The following CYP39A1 variants were observed in gnomAD, a reference collection of about 807,000 sequenced individuals.
CYP39A1 encodes 24-hydroxycholesterol 7-alpha-hydroxylase.
Under a neutral mutation model 58.1 loss-of-function variants are expected in CYP39A1, and 49 were observed. That is an observed-to-expected ratio of 0.84 (90% CI 0.67 to 1.07). CYP39A1 has a LOEUF of 1.07. Among genes scored for constraint, CYP39A1 ranks in the 50% least tolerant of loss-of-function variants. The pLI, the probability that CYP39A1 is intolerant of heterozygous loss-of-function variation, is 0.00. For synonymous variants in CYP39A1, 209 were observed against 187.6 expected (o/e 1.11, Z -0.93); for missense variants, 531 against 539.4 (o/e 0.98, Z 0.16).
intron 1 of CYP39A1, among the ~76,000 whole-genome samples, chr6:46,647,056 A>G (rs1045321075): frequency 4.0e-5 from 6 of 149,500 alleles, no homozygotes; most frequent in African/African-American, 4.9e-5. Flanking sequence ...GTTCCTTACT[A>G]TTTCCTTCCT....
intron 10 of CYP39A1, among the ~76,000 whole-genome samples, chr6:46,569,767 G>T (rs1448298785): frequency 6.6e-6 from 1 of 151,932 alleles, no homozygotes; most frequent in African/African-American, 2.4e-5. Flanking sequence ...TTGAATACAG[G>T]TGCTAGTATT....
chr6:46,644,877 T>C (rs1254259379), intron 1 of CYP39A1, among the ~76,000 whole-genome samples: 2 of 152,216 alleles, frequency 1.3e-5, no homozygotes, highest in African/African-American at 4.8e-5. Context: ...AATTTGCATA[T>C]CTCTAATGAC....
Position 46,631,146 on chromosome 6 carries a change from C to T in CYP39A1, c.733-76G>A, listed in dbSNP as rs899973506. On this transcript the variant is annotated intron_variant, in intron 5 of 11. Transcript: ENST00000275016. ...GATGTTAATAAACAAGAGATCATGCCTTTTTCTTTAATATGAAAGATATCA... is the reference window on the plus strand; with the variant it reads ...GATGTTAATAAACAAGAGATCATGCTTTTTTCTTTAATATGAAAGATATCA... 6 of 1,157,986 alleles carry T rather than the reference C, an allele frequency of 5.2e-6. No homozygotes were observed. The African/African-American group carries it at 7.7e-5, about 15-fold the overall frequency. 71.7% of individuals were successfully genotyped at this position (1,157,986 alleles called of 1,614,324 possible).
intron 7 of CYP39A1, among the ~76,000 whole-genome samples, chr6:46,617,599 T>C (rs1444356490): frequency 6.6e-6 from 1 of 152,150 alleles, no homozygotes; most frequent in African/African-American, 2.4e-5. Context: ...GGATTCTAAG[T>C]ACAATTTTGA....
intron 7 of CYP39A1, among the ~76,000 whole-genome samples, chr6:46,602,963 C>A: frequency 6.9e-6 from 1 of 145,916 alleles, no homozygotes. Flanking sequence ...AACAATAAAA[C>A]TAAATAATGT....
intron 4 of CYP39A1, among the ~76,000 whole-genome samples, chr6:46,637,357 G>T (rs979345593): frequency 6.6e-6 from 1 of 152,184 alleles, no homozygotes; most frequent in Non-Finnish European, 1.5e-5. Flanking sequence ...TAGAGCCACT[G>T]CCAAGAAATT....
chr6:46,586,040 T>A (rs1257017685), intron 10 of CYP39A1, among the ~76,000 whole-genome samples: 1 of 152,116 alleles, frequency 6.6e-6, no homozygotes, highest in African/African-American at 2.4e-5. Flanking sequence ...CCCATTTGCT[T>A]AGGCTTAGAT....
chr6:46,600,209 A>G lies in CYP39A1; in HGVS notation c.932-4089T>C, dbSNP rs1310669921. On this transcript the variant is annotated intron_variant, in intron 7 of 11. Transcript: ENST00000275016. ...AGTGGAGCGATCTTGGCTCACTACA[A>G]CCTCTGACTCCCAGGTTCAAGCGAT... is the stretch of plus-strand genomic sequence containing the variant. 4.6e-5 allele frequency among the ~76,000 whole-genome samples: 7 copies of G among 151,244 alleles called. No homozygotes were observed. In the East Asian group the frequency reaches 1.4e-3, roughly 29 times the overall value.
At chr6:46,648,861 G>A (rs1010771163) in intron 1 of CYP39A1, among the ~76,000 whole-genome samples, 4 of 151,712 alleles carry the variant, frequency 2.6e-5, no homozygotes, top group Non-Finnish European at 4.4e-5. Flanking sequence ...ATAGATACTT[G>A]TAGATAGCTG....
At chr6:46,609,804 C>G (rs888986594) in intron 7 of CYP39A1, among the ~76,000 whole-genome samples, 12 of 152,210 alleles carry the variant, frequency 7.9e-5, no homozygotes, top group African/African-American at 2.9e-4. Flanking sequence ...ATTGCTTTAA[C>G]AAAGAAAAAT....
chr6:46,594,999 G>T (rs377329929), intron 8 of CYP39A1, among the ~76,000 whole-genome samples: 45 of 151,932 alleles, frequency 3.0e-4, no homozygotes, highest in African/African-American at 1.0e-3. Flanking sequence ...TTAAAAATTG[G>T]CAAGGAATCT....
intron 7 of CYP39A1, 78 bp from the exon 8 acceptor site, chr6:46,596,198 G>A: frequency 9.0e-7 from 1 of 1,105,554 alleles, no homozygotes; most frequent in Non-Finnish European, 1.3e-6. Flanking sequence ...ATCAGCAGAG[G>A]TTAGATGTTG....
At chr6:46,598,544 T>C (rs1561978458) in intron 7 of CYP39A1, among the ~76,000 whole-genome samples, 1 of 152,280 alleles carries the variant, frequency 6.6e-6, no homozygotes, top group East Asian at 1.9e-4. Context: ...TTCCCCAAAC[T>C]ATCCCAACAT....
In CYP39A1 at chr6:46,650,484, C is replaced by CTTTTTTTTTTTTT. The variant is rs567314746; in HGVS notation, c.177+1909_177+1921dup. ...AAACATCAAATAATGCAGTCATATT[C>CTTTTTTTTTTTTT]TTTTTTTTTTTTTTTTTTTTTTTTT... On this transcript the variant is annotated intron_variant, in intron 1 of 11. Coordinates refer to ENST00000275016, the MANE Select transcript of CYP39A1 (RefSeq NM_016593.5). Among the ~76,000 whole-genome samples, 6 of 35,190 alleles carry CTTTTTTTTTTTTT rather than the reference C, an allele frequency of 1.7e-4. 2 individuals are homozygous for CTTTTTTTTTTTTT. The highest frequency in any genetic ancestry group is 2.8e-4 in the Non-Finnish European group (6 of 21,638). The allele number at this position is 35,190 out of a possible 152,430, so 23.1% of individuals were successfully genotyped here.
At chr6:46,579,092 A>G (rs934950922) in intron 10 of CYP39A1, among the ~76,000 whole-genome samples, 1 of 152,120 alleles carries the variant, frequency 6.6e-6, no homozygotes, top group African/African-American at 2.4e-5. Context: ...TTTCAGCCAT[A>G]TACCAAAAAG....
At chr6:46,600,591 G>A (rs984942225) in intron 7 of CYP39A1, among the ~76,000 whole-genome samples, 6 of 152,094 alleles carry the variant, frequency 3.9e-5, no homozygotes, top group African/African-American at 1.2e-4. Flanking sequence ...CACCAATGGA[G>A]AATGAATTAA....
intron 9 of CYP39A1, 45 bp downstream of exon 9, chr6:46,587,989 G>T (rs1772571365): frequency 8.6e-7 from 1 of 1,164,798 alleles, no homozygotes; most frequent in South Asian, 1.5e-5. Context: ...GAAATAAAAA[G>T]AAATTAAAAT....
At chr6:46,575,804 G>A (rs895475652) in intron 10 of CYP39A1, among the ~76,000 whole-genome samples, 1 of 152,180 alleles carries the variant, frequency 6.6e-6, no homozygotes, top group African/African-American at 2.4e-5. Context: ...ACCCAGTCCA[G>A]GAGTGATGAG....
chr6:46,620,184 T>A lies in CYP39A1; in HGVS notation c.931+5234A>T, dbSNP rs548411588. Among the ~76,000 whole-genome samples, 20 of 152,148 alleles carry A rather than the reference T, an allele frequency of 1.3e-4. No individual in the cohort carries two copies. In the South Asian group the frequency reaches 4.1e-3, roughly 32 times the overall value. On this transcript the variant is annotated intron_variant, in intron 7 of 11. Transcript: ENST00000275016. Reference sequence around the variant, plus strand: ...CCCTATTCTCAAACCCCTCTTTATATCTCCATAGAAGCCTTAAAAGCCAGA... The same window carrying A: ...CCCTATTCTCAAACCCCTCTTTATAACTCCATAGAAGCCTTAAAAGCCAGA...
Sources: allele counts gnomAD v4.1 joint callset (sites outside exome capture counted in the v4.1 genomes callset), GRCh38; gene constraint gnomAD v4.1.1; transcripts MANE v1.5; gene names NCBI Gene and HGNC (gene_info 2026-07-23, HGNC 2026-07-21).